DICER1: variants seen among roughly 807,000 people sequenced by gnomAD.
DICER1 encodes endoribonuclease Dicer.
DICER1 carries 43 observed loss-of-function variants against 194.1 expected under a neutral mutation model. The observed-to-expected ratio is 0.22, with a 90% CI of 0.17 to 0.29. DICER1 has a LOEUF of 0.29. Ranked by LOEUF, DICER1 falls within the 10% of genes least tolerant of loss-of-function variation. The pLI is 1.00. For synonymous variants in DICER1, 832 were observed against 820.5 expected (o/e 1.01, Z -0.24); for missense variants, 1,608 against 2,317.0 (o/e 0.69, Z 6.28).
intron 15 of DICER1, 67 bp downstream of exon 15, chr14:95,108,257 G>GTTT: frequency 1.8e-5 from 22 of 1,192,782 alleles, no homozygotes; most frequent in East Asian, 2.6e-5. Context: ...CTTACTACTA[G>GTTT]TTTTTTTTTT....
chr14:95,116,118 C>T (rs139613967), intron 10 of DICER1, among the ~76,000 whole-genome samples: 122 of 151,862 alleles, frequency 8.0e-4, no homozygotes, highest in African/African-American at 2.7e-3. Flanking sequence ...AATGTAACTA[C>T]CATGTCATCA....
At chr14:95,134,179 A>G (rs1327245917) in intron 1 of DICER1, among the ~76,000 whole-genome samples, 1 of 152,196 alleles carries the variant, frequency 6.6e-6, no homozygotes, top group Non-Finnish European at 1.5e-5. Context: ...ATAAATGCAC[A>G]ACTATTTAAA....
At chr14:95,146,432 A>G (rs962213179) in intron 1 of DICER1, among the ~76,000 whole-genome samples, 2 of 152,134 alleles carry the variant, frequency 1.3e-5, no homozygotes, top group Non-Finnish European at 2.9e-5. Flanking sequence ...CCCTATTCTG[A>G]GCCTGTAAAA....
intron 21 of DICER1, among the ~76,000 whole-genome samples, chr14:95,102,936 G>C (rs749196639): frequency 6.6e-6 from 1 of 152,160 alleles, no homozygotes; most frequent in African/African-American, 2.4e-5. Flanking sequence ...ATGTCTGTAT[G>C]CCTTGTAAGC....
At chr14:95,151,067 C>T (rs1895483688) in intron 1 of DICER1, among the ~76,000 whole-genome samples, 1 of 152,206 alleles carries the variant, frequency 6.6e-6, no homozygotes, top group Non-Finnish European at 1.5e-5. Flanking sequence ...TAAAACCTAA[C>T]TTGAGGTTTA....
chr14:95,125,637 G>C (rs1215104518), intron 7 of DICER1, among the ~76,000 whole-genome samples: 1 of 36,052 alleles, frequency 2.8e-5, no homozygotes, highest in African/African-American at 1.4e-4. Flanking sequence ...AGGGGGAGGA[G>C]GGGGAGGAGG....
In DICER1 at chr14:95,117,132, C is replaced by T. The variant is rs538796745; in HGVS notation, c.1510-437G>A. ...ATTAGTTTTTAGCATCTTTACAATG[C>T]TGTTTCCTGTATTAAGACCTTACAA... On this transcript the variant is annotated intron_variant, in intron 9 of 26. Transcript: ENST00000343455. 3.1e-4 allele frequency among the ~76,000 whole-genome samples: 47 copies of T among 151,774 alleles called. No individual in the cohort carries two copies. In the South Asian group the frequency reaches 9.8e-3, roughly 32 times the overall value.
intron 4 of DICER1, among the ~76,000 whole-genome samples, chr14:95,131,084 C>A (rs1389292633): frequency 6.6e-6 from 1 of 152,122 alleles, no homozygotes; most frequent in Non-Finnish European, 1.5e-5. Flanking sequence ...GGCTGGAGTG[C>A]AGTGGCGCGA....
intron 1 of DICER1, among the ~76,000 whole-genome samples, chr14:95,149,285 T>C (rs1427385720): frequency 6.6e-6 from 1 of 152,220 alleles, no homozygotes; most frequent in Non-Finnish European, 1.5e-5. Flanking sequence ...TGAGTTAAGA[T>C]GGATGTTTAT....
At chr14:95,147,788 C>A (rs1236349720) in intron 1 of DICER1, among the ~76,000 whole-genome samples, 1 of 152,172 alleles carries the variant, frequency 6.6e-6, no homozygotes, top group Non-Finnish European at 1.5e-5. Context: ...ATTTTTTGCC[C>A]GTGCTCCCGA....
At chr14:95,141,549 T>C (rs1478627990) in intron 1 of DICER1, 1 of 152,234 alleles carries the variant, frequency 6.6e-6, no homozygotes, top group East Asian at 1.9e-4. Flanking sequence ...GGCCTCTTTT[T>C]ACTACTTCCA....
At chr14:95,094,455 C>T (rs1337526159) in intron 23 of DICER1, among the ~76,000 whole-genome samples, 1 of 152,156 alleles carries the variant, frequency 6.6e-6, no homozygotes, top group Non-Finnish European at 1.5e-5. Context: ...TCACTGAATG[C>T]TTTTCTCTGG....
chr14:95,086,253 A>G lies in DICER1; in HGVS notation c.*4245T>C, dbSNP rs1889326367. 4.3e-6 allele frequency: 1 copy of G among 232,382 alleles called. No homozygotes were observed. Among genetic ancestry groups the G allele is most frequent in the African/African-American group, 2.2e-5 (1 of 45,314 alleles). The allele number at this position is 232,382 out of a possible 1,614,324, so 14.4% of individuals were successfully genotyped here. Reference sequence around the variant, plus strand: ...TGAACAGACGATAACTTTATTGGAGATTTACTTGGCTACAATTATTACAAA... The same window carrying G: ...TGAACAGACGATAACTTTATTGGAGGTTTACTTGGCTACAATTATTACAAA... On this transcript the variant is annotated 3_prime_UTR_variant, in exon 27 of 27. Coordinates refer to ENST00000343455, the MANE Select transcript of DICER1 (RefSeq NM_177438.3).
chr14:95,100,329 A>C (rs1890764433), intron 21 of DICER1, among the ~76,000 whole-genome samples: 1 of 152,228 alleles, frequency 6.6e-6, no homozygotes, highest in Admixed American at 6.5e-5. Context: ...AGAAAAAGTC[A>C]AGATGTCACA....
Position 95,138,199 on chromosome 14 carries a change from G to T in DICER1, c.-45-4696C>A, listed in dbSNP as rs559139548. 4.6e-4 allele frequency among the ~76,000 whole-genome samples: 70 copies of T among 150,548 alleles called. No homozygotes were observed. The Middle Eastern group carries it at 0.014, about 30-fold the overall frequency. On this transcript the variant is annotated intron_variant, in intron 1 of 26. Coordinates refer to ENST00000343455, the MANE Select transcript of DICER1 (RefSeq NM_177438.3). Reference sequence around the variant, plus strand: ...TGTTCCTGGCATTTCAAAGGACAGAGATTTTTTTTTTTTCTTAGCAAACAC... The same window carrying T: ...TGTTCCTGGCATTTCAAAGGACAGATATTTTTTTTTTTTCTTAGCAAACAC...
intron 8 of DICER1, among the ~76,000 whole-genome samples, chr14:95,119,211 T>C (rs1703928819): frequency 6.6e-6 from 1 of 152,202 alleles, no homozygotes; most frequent in Non-Finnish European, 1.5e-5. Flanking sequence ...TGTATTTTAC[T>C]TTGCTAAAAT....
intron 1 of DICER1, among the ~76,000 whole-genome samples, chr14:95,139,310 G>C (rs1184002591): frequency 6.6e-6 from 1 of 152,210 alleles, no homozygotes; most frequent in East Asian, 1.9e-4. Context: ...AATTAGACTA[G>C]AATTTCCTTG....
chr14:95,117,841 C>T lies in DICER1; in HGVS notation c.1377-87G>A, dbSNP rs1168856922. 10 of 1,368,884 alleles carry T rather than the reference C, an allele frequency of 7.3e-6. No individual in the cohort carries two copies. In the Admixed American group the frequency reaches 7.8e-5, roughly 11 times the overall value. The allele number at this position is 1,368,884 out of a possible 1,614,324, so 84.8% of individuals were successfully genotyped here. On this transcript the variant is annotated intron_variant, in intron 8 of 26. Transcript: ENST00000343455. ...TAAAGCCTCCTTTAAAATGGAAGTA[C>T]ATGCATTTTTTGCAAACATACCTAA...
intron 14 of DICER1, among the ~76,000 whole-genome samples, chr14:95,108,978 C>T (rs1202245977): frequency 1.3e-5 from 2 of 152,176 alleles, no homozygotes; most frequent in African/African-American, 4.8e-5. Flanking sequence ...AATTCCTAGA[C>T]TCTTTTTCTA....
Sources: gnomAD v4.1 joint callset for allele counts (sites outside exome capture counted in the v4.1 genomes callset) on GRCh38, gnomAD v4.1.1 for gene constraint, MANE v1.5 for transcripts, NCBI Gene and HGNC (gene_info 2026-07-23, HGNC 2026-07-21) for gene names.